Variants in ROBO2 observed in about 807,000 individuals in gnomAD.
The protein encoded by ROBO2 is roundabout guidance receptor 2.
Under a neutral mutation model 160.8 loss-of-function variants are expected in ROBO2, and 53 were observed. That is an observed-to-expected ratio of 0.33 (90% CI 0.26 to 0.41). The LOEUF is 0.41. Ranked by LOEUF, ROBO2 falls within the 10% of genes least tolerant of loss-of-function variation. ROBO2 has a pLI of 1.00. For missense variants in ROBO2, 1,577 were observed against 1,722.4 expected (o/e 0.92, Z 1.49); for synonymous variants, 664 against 611.7 (o/e 1.09, Z -1.26).
At chr3:77,189,563 T>C (rs1450491794) in intron 2 of ROBO2, among the ~76,000 whole-genome samples, 1 of 151,958 alleles carries the variant, frequency 6.6e-6, no homozygotes, top group African/African-American at 2.4e-5. Flanking sequence ...TACTTCTGTT[T>C]CTTGAACACC....
At chr3:77,490,560 C>T (rs2085973227) in intron 4 of ROBO2, among the ~76,000 whole-genome samples, 1 of 151,968 alleles carries the variant, frequency 6.6e-6, no homozygotes, top group Non-Finnish European at 1.5e-5. Flanking sequence ...TATAAGTAAC[C>T]TCCTTTATCT....
At chr3:76,977,649 C>T in intron 2 of ROBO2, among the ~76,000 whole-genome samples, 1 of 152,176 alleles carries the variant, frequency 6.6e-6, no homozygotes, top group Non-Finnish European at 1.5e-5. Context: ...CATTATTAAA[C>T]TTCTGATAAG....
intron 2 of ROBO2, among the ~76,000 whole-genome samples, chr3:77,297,572 C>A (rs974923766): frequency 6.6e-6 from 1 of 152,102 alleles, no homozygotes; most frequent in Non-Finnish European, 1.5e-5. Context: ...CTTGCCTCCT[C>A]TGGAAGCTTG....
chr3:76,808,752 C>G (rs1311193902), intron 2 of ROBO2, among the ~76,000 whole-genome samples: 1 of 151,978 alleles, frequency 6.6e-6, no homozygotes, highest in Non-Finnish European at 1.5e-5. Context: ...AGAGACGTGT[C>G]TATTTGGAAG....
At chr3:76,283,030 GA>G (rs201213156) in intron 2 of ROBO2, among the ~76,000 whole-genome samples, 44,647 of 133,364 alleles carry the variant, frequency 0.33, 9,153 homozygotes, top group Non-Finnish European at 0.46. Flanking sequence ...TTTATTTTAA[GA>G]AAAAAAAATC....
chr3:76,972,040 A>G (rs1380859172), intron 2 of ROBO2, among the ~76,000 whole-genome samples: 1 of 152,254 alleles, frequency 6.6e-6, no homozygotes, highest in Non-Finnish European at 1.5e-5. Flanking sequence ...AGTTTCTCAA[A>G]TAACCATATT....
intron 2 of ROBO2, among the ~76,000 whole-genome samples, chr3:76,014,806 T>A (rs2066358398): frequency 6.6e-6 from 1 of 152,186 alleles, no homozygotes; most frequent in African/African-American, 2.4e-5. Flanking sequence ...CACGTGCGTG[T>A]AGTCCCACCT....
intron 2 of ROBO2, among the ~76,000 whole-genome samples, chr3:76,159,752 C>G (rs370841704): frequency 6.6e-6 from 1 of 152,106 alleles, no homozygotes; most frequent in East Asian, 1.9e-4. Context: ...AGTAATGATA[C>G]CAGCCACCCT....
intron 2 of ROBO2, among the ~76,000 whole-genome samples, chr3:76,541,490 A>ATG (rs898669575): frequency 2.0e-5 from 3 of 151,984 alleles, no homozygotes; most frequent in African/African-American, 7.2e-5. Flanking sequence ...TTGTTATTTC[A>ATG]TGTGTGTGTG....
intron 2 of ROBO2, among the ~76,000 whole-genome samples, chr3:76,945,645 T>C (rs1032155905): frequency 6.6e-6 from 1 of 152,188 alleles, no homozygotes; most frequent in Non-Finnish European, 1.5e-5. Context: ...ACTTTTTCCT[T>C]CTGTGTTTTA....
At chr3:75,943,486 G>A (rs1021132407) in intron 2 of ROBO2, among the ~76,000 whole-genome samples, 4 of 152,128 alleles carry the variant, frequency 2.6e-5, no homozygotes, top group African/African-American at 9.6e-5. Context: ...ATTTCATTTG[G>A]AGATTTTGGT....
At chr3:76,592,597 C>G (rs145563219) in intron 2 of ROBO2, among the ~76,000 whole-genome samples, 1 of 152,066 alleles carries the variant, frequency 6.6e-6, no homozygotes, top group Non-Finnish European at 1.5e-5. Flanking sequence ...GCCATTCAAA[C>G]CTTCCGTATT....
intron 2 of ROBO2, among the ~76,000 whole-genome samples, chr3:76,033,884 C>G (rs2067012055): frequency 6.6e-6 from 1 of 152,126 alleles, no homozygotes; most frequent in Admixed American, 6.5e-5. Context: ...GGTTACCCTC[C>G]TTAATAGGAG....
chr3:77,295,754 A>G lies in ROBO2; in HGVS notation c.389-181660A>G, dbSNP rs149841280. On this transcript the variant is annotated intron_variant, in intron 2 of 25. Transcript: ENST00000461745. ...ACGGTTAAACGGGTAAGCTGAGGCT[A>G]GATCACCCCAGACATAAAGTAAAAT... 2.6e-3 allele frequency among the ~76,000 whole-genome samples: 401 copies of G among 151,410 alleles called. 4 individuals carry two copies. Among genetic ancestry groups the G allele is most frequent in the African/African-American group, 9.2e-3 (380 of 41,292 alleles).
intron 2 of ROBO2, among the ~76,000 whole-genome samples, chr3:76,389,492 A>G (rs1234101909): frequency 6.6e-6 from 1 of 152,236 alleles, no homozygotes; most frequent in African/African-American, 2.4e-5. Flanking sequence ...ATAGGAAGAT[A>G]CCATCTTGAA....
chr3:76,125,020 G>T (rs971544715), intron 2 of ROBO2, among the ~76,000 whole-genome samples: 7 of 152,050 alleles, frequency 4.6e-5, no homozygotes, highest in African/African-American at 1.7e-4. Flanking sequence ...CTAGCAGATT[G>T]CAGTGTCTGT....
At chr3:76,107,076 A>C (rs1228318802) in intron 2 of ROBO2, among the ~76,000 whole-genome samples, 1 of 152,160 alleles carries the variant, frequency 6.6e-6, no homozygotes, top group Non-Finnish European at 1.5e-5. Flanking sequence ...AACTTTCTGC[A>C]TCACATTTGT....
At chr3:76,635,841 C>G (rs1014602586) in intron 2 of ROBO2, among the ~76,000 whole-genome samples, 7 of 152,210 alleles carry the variant, frequency 4.6e-5, no homozygotes, top group African/African-American at 1.7e-4. Context: ...AGAACACTGA[C>G]TTTGGCTTAG....
chr3:76,322,575 T>C (rs1392916099), intron 2 of ROBO2, among the ~76,000 whole-genome samples: 3 of 152,150 alleles, frequency 2.0e-5, no homozygotes, highest in African/African-American at 7.2e-5. Context: ...GTGGGTACAC[T>C]AGTTAAATAA....
Sources: allele counts gnomAD v4.1 joint callset (sites outside exome capture counted in the v4.1 genomes callset), GRCh38; gene constraint gnomAD v4.1.1; transcripts MANE v1.5; gene names NCBI Gene and HGNC (gene_info 2026-07-23, HGNC 2026-07-21).